BBS9: variants seen among roughly 807,000 people sequenced by gnomAD.
BBS9 encodes Bardet-Biedl syndrome 9.
A neutral mutation model predicts 117.7 loss-of-function variants in BBS9; 89 were observed. That is an observed-to-expected ratio of 0.76 (90% CI 0.64 to 0.90). The LOEUF (loss-of-function observed/expected upper bound fraction) is 0.90. Among genes scored for constraint, BBS9 ranks in the 40% least tolerant of loss-of-function variants. BBS9 has a pLI of 0.00. For synonymous variants in BBS9, 379 were observed against 370.9 expected (o/e 1.02, Z -0.25); for missense variants, 982 against 1,042.2 (o/e 0.94, Z 0.80).
chr7:33,317,489 A>C (rs1188808654), intron 9 of BBS9, among the ~76,000 whole-genome samples: 1 of 151,618 alleles, frequency 6.6e-6, no homozygotes, highest in African/African-American at 2.4e-5. Context: ...TTAAGGGTGT[A>C]TCTTTTTAAA....
intron 12 of BBS9, among the ~76,000 whole-genome samples, chr7:33,348,438 A>T (rs1263394869): frequency 6.6e-6 from 1 of 152,140 alleles, no homozygotes. Context: ...ACAATATTTC[A>T]TTGTATGAAT....
At chr7:33,542,964 T>C (rs1852640906) in intron 21 of BBS9, among the ~76,000 whole-genome samples, 1 of 152,152 alleles carries the variant, frequency 6.6e-6, no homozygotes, top group Admixed American at 6.5e-5. Flanking sequence ...TCTTTTCCTC[T>C]GGGTAGATCC....
At chr7:33,228,493 C>T (rs1007754520) in intron 5 of BBS9, among the ~76,000 whole-genome samples, 2 of 152,000 alleles carry the variant, frequency 1.3e-5, no homozygotes, top group African/African-American at 2.4e-5. Context: ...TACAGTTGAC[C>T]ATTGAACAGT....
Position 33,534,042 on chromosome 7 carries a change from A to G in BBS9, c.2387A>G (p.Asn796Ser), listed in dbSNP as rs934023077. The change falls in exon 21 of 23, where the codon AAC (asparagine) becomes AGC (serine). Residue 796 changes from asparagine (N) to serine (S), a missense_variant. Transcript: ENST00000242067. The stretch of plus-strand genomic sequence containing the variant: ...TCTAAGGAGCAGGCTTTGAACCTCA[A>G]CAGCCAGCTGAACATACCCAAAGAC... ...KSSKEQALNLNSQLNIPKDTS... is the reference protein window; with the variant it reads ...KSSKEQALNLSSQLNIPKDTS... 4 of 1,614,102 alleles carry G rather than the reference A, an allele frequency of 2.5e-6. No homozygotes were observed. The highest frequency in any genetic ancestry group is 2.7e-5 in the African/African-American group (2 of 74,926).
At chr7:33,540,551 A>T (rs544317255) in intron 21 of BBS9, among the ~76,000 whole-genome samples, 1 of 152,338 alleles carries the variant, frequency 6.6e-6, no homozygotes, top group South Asian at 2.1e-4. Flanking sequence ...TATATTTTGT[A>T]CATTTTCTGA....
At chr7:33,541,133 G>A (rs1300405305) in intron 21 of BBS9, among the ~76,000 whole-genome samples, 1 of 151,788 alleles carries the variant, frequency 6.6e-6, no homozygotes, top group African/African-American at 2.4e-5. Flanking sequence ...ATGCCTTCTG[G>A]TTGGCCTCTC....
chr7:33,559,257 A>T (rs1855733854), intron 21 of BBS9, among the ~76,000 whole-genome samples: 1 of 152,176 alleles, frequency 6.6e-6, no homozygotes, highest in Non-Finnish European at 1.5e-5. Flanking sequence ...GCACTATGAT[A>T]ATTGCTCAGA....
chr7:33,136,105 T>C (rs1790423776), intron 1 of BBS9, among the ~76,000 whole-genome samples: 2 of 152,100 alleles, frequency 1.3e-5, no homozygotes, highest in Non-Finnish European at 2.9e-5. Context: ...TGTATTTTAC[T>C]CTTTTGGGTG....
chr7:33,194,501 C>A (rs887888499), intron 5 of BBS9, among the ~76,000 whole-genome samples: 1 of 148,486 alleles, frequency 6.7e-6, no homozygotes, highest in Non-Finnish European at 1.5e-5. Context: ...GTTTAATCCA[C>A]GAAGTTACAT....
At chr7:33,213,821 C>T (rs1375796200) in intron 5 of BBS9, among the ~76,000 whole-genome samples, 3 of 151,666 alleles carry the variant, frequency 2.0e-5, no homozygotes, top group African/African-American at 7.3e-5. Flanking sequence ...CTGCCTGGTG[C>T]CCTATCCTGC....
chr7:33,559,105 T>C (rs1783437960), intron 21 of BBS9, among the ~76,000 whole-genome samples: 1 of 152,220 alleles, frequency 6.6e-6, no homozygotes, highest in Non-Finnish European at 1.5e-5. Flanking sequence ...TGATTCATAA[T>C]GGTGCTCCCT....
chr7:33,583,703 G>A (rs527787985), intron 21 of BBS9, among the ~76,000 whole-genome samples: 1 of 152,212 alleles, frequency 6.6e-6, no homozygotes, highest in South Asian at 2.1e-4. Flanking sequence ...AAATTTTACA[G>A]AGGAAGTGAC....
intron 21 of BBS9, among the ~76,000 whole-genome samples, chr7:33,590,450 TG>T (rs1861669598): frequency 9.5e-6 from 1 of 105,512 alleles, no homozygotes; most frequent in East Asian, 3.6e-4. Context: ...TTTGTTTTTT[TG>T]TTTTTTTGTT....
chr7:33,275,247 AT>A (rs1800551910), intron 9 of BBS9, among the ~76,000 whole-genome samples: 1 of 152,202 alleles, frequency 6.6e-6, no homozygotes, highest in African/African-American at 2.4e-5. Flanking sequence ...GAAAAAACAT[AT>A]AATTCTAATT....
At chr7:33,302,604 T>C (rs1275857129) in intron 9 of BBS9, among the ~76,000 whole-genome samples, 3 of 152,214 alleles carry the variant, frequency 2.0e-5, no homozygotes, top group Non-Finnish European at 4.4e-5. Flanking sequence ...TTGATTTGTT[T>C]CTGGGTTCTC....
chr7:33,476,098 A>T (rs1841762672), intron 19 of BBS9, among the ~76,000 whole-genome samples: 1 of 152,162 alleles, frequency 6.6e-6, no homozygotes, highest in Non-Finnish European at 1.5e-5. Context: ...TAGTAAAATA[A>T]TTTTTTTACA....
chr7:33,168,656 T>A (rs1350891935), intron 4 of BBS9, among the ~76,000 whole-genome samples: 1 of 152,184 alleles, frequency 6.6e-6, no homozygotes, highest in Non-Finnish European at 1.5e-5. Flanking sequence ...ACCTTTCATT[T>A]TGCATTTTCC....
At chr7:33,330,020 G>GT (rs1044571705) in intron 9 of BBS9, among the ~76,000 whole-genome samples, 80 of 147,074 alleles carry the variant, frequency 5.4e-4, no homozygotes, top group South Asian at 6.5e-4. Context: ...ATAAAATTGT[G>GT]TTTTTTTTTT....
At chr7:33,634,223 T>G (rs1184098285) in intron 21 of BBS9, among the ~76,000 whole-genome samples, 1 of 152,180 alleles carries the variant, frequency 6.6e-6, no homozygotes, top group East Asian at 1.9e-4. Flanking sequence ...CAAGGCTCAA[T>G]TTTGGCTAAA....
Sources: allele counts gnomAD v4.1 joint callset (sites outside exome capture counted in the v4.1 genomes callset), GRCh38; gene constraint gnomAD v4.1.1; transcripts MANE v1.5; gene names NCBI Gene and HGNC (gene_info 2026-07-23, HGNC 2026-07-21).